CSF2RB: variants seen among roughly 807,000 people sequenced by gnomAD.
CSF2RB encodes colony stimulating factor 2 receptor subunit beta, also known as cytokine receptor common subunit beta.
Under a neutral mutation model 67.2 loss-of-function variants are expected in CSF2RB, and 22 were observed. The ratio of observed to expected loss-of-function variants is 0.33; its 90% CI spans 0.23 to 0.47. The LOEUF (loss-of-function observed/expected upper bound fraction) is 0.47, where lower values mean the gene tolerates loss of function less well. Among genes scored for constraint, CSF2RB ranks in the 20% least tolerant of loss-of-function variants. The pLI is 1.00. For missense variants in CSF2RB, 1,113 were observed against 1,174.5 expected (o/e 0.95, Z 0.76); for synonymous variants, 507 against 482.9 (o/e 1.05, Z -0.65).
intron 3 of CSF2RB, among the ~76,000 whole-genome samples, chr22:36,924,991 C>T (rs1940977345): frequency 6.6e-6 from 1 of 152,214 alleles, no homozygotes; most frequent in Non-Finnish European, 1.5e-5. Flanking sequence ...AGCTCCAGCC[C>T]TCCAGGCGTA....
Position 36,939,807 on chromosome 22 carries a change from A to G in CSF2RB, c.*1305A>G, listed in dbSNP as rs1420015544. The G allele has an allele frequency of 6.5e-6, 1 of 153,306 alleles. No homozygotes were observed. Among genetic ancestry groups the G allele is most frequent in the African/African-American group, 2.4e-5 (1 of 41,474 alleles). 9.5% of individuals were successfully genotyped at this position (153,306 alleles called of 1,614,324 possible). On this transcript the variant is annotated 3_prime_UTR_variant, in exon 14 of 14. Transcript: ENST00000403662. The stretch of plus-strand genomic sequence containing the variant: ...ATATGAGGTTTTATGGTGTATGAAT[A>G]TGAATGCTTCTGTAATGTCAAACAG...
At position 36,939,324 on chromosome 22, in the gene CSF2RB, G is replaced by C. The variant is rs1055726233; in HGVS notation, c.*822G>C. ...ATCAGGAGAGGAGTCCAGAGCCCAC[G>C]TCTACTGCGGAAAAGTCAGGGGAAA... On this transcript the variant is annotated 3_prime_UTR_variant, in exon 14 of 14. Transcript: ENST00000403662. 4.3e-6 allele frequency: 3 copies of C among 697,916 alleles called. No homozygotes were observed. Among genetic ancestry groups the C allele is most frequent in the Non-Finnish European group, 7.8e-6 (3 of 382,570 alleles). The allele number at this position is 697,916 out of a possible 1,614,324, so 43.2% of individuals were successfully genotyped here. A position where few individuals can be genotyped will look rare whatever the true frequency, so the allele number is the denominator to read the frequency against.
At chr22:36,935,079 C>G (rs916242119) in intron 10 of CSF2RB, among the ~76,000 whole-genome samples, 1 of 152,164 alleles carries the variant, frequency 6.6e-6, no homozygotes, top group Non-Finnish European at 1.5e-5. Context: ...GGTTCTTGCC[C>G]TCCCTGTAGC....
At chr22:36,929,379 G>A (rs1305540522) in intron 4 of CSF2RB, 23 bp from the exon 5 acceptor site, 5 of 1,614,118 alleles carry the variant, frequency 3.1e-6, no homozygotes, top group African/African-American at 1.3e-5. Context: ...GCCCTTAGGT[G>A]CCCTTCACTT....
chr22:36,918,939 G>C (rs1288408363), intron 1 of CSF2RB, among the ~76,000 whole-genome samples: 1 of 152,170 alleles, frequency 6.6e-6, no homozygotes, highest in Admixed American at 6.5e-5. Flanking sequence ...CAAGTTGCAG[G>C]CTGGAAGAAG....
In CSF2RB at chr22:36,938,554, C is replaced by T. The variant is rs562220112; in HGVS notation, c.*52C>T. Reference sequence around the variant, plus strand: ...GATGGAGAGGGCTTGCCTTCCCTCCCGCCTGACCTTCCTCAGTCATTTCTG... The same window carrying T: ...GATGGAGAGGGCTTGCCTTCCCTCCTGCCTGACCTTCCTCAGTCATTTCTG... On this transcript the variant is annotated 3_prime_UTR_variant, in exon 14 of 14. Coordinates refer to ENST00000403662, the MANE Select transcript of CSF2RB (RefSeq NM_000395.3). 182 of 1,546,508 alleles carry T rather than the reference C, an allele frequency of 1.2e-4. No individual in the cohort carries two copies. Among genetic ancestry groups the T allele is most frequent in the African/African-American group, 3.6e-4 (26 of 72,688 alleles).
chr22:36,915,332 GT>G (rs1940694028), intron 1 of CSF2RB, among the ~76,000 whole-genome samples: 1 of 151,960 alleles, frequency 6.6e-6, no homozygotes, highest in Admixed American at 6.6e-5. Context: ...TGATCCGCCT[GT>G]CTCAGCCTCC....
intron 1 of CSF2RB, among the ~76,000 whole-genome samples, chr22:36,917,256 T>C (rs558853399): frequency 6.6e-6 from 1 of 152,368 alleles, no homozygotes; most frequent in South Asian, 2.1e-4. Context: ...TCCTTCCATG[T>C]ATGGAGTACC....
intron 1 of CSF2RB, among the ~76,000 whole-genome samples, chr22:36,915,146 G>A (rs1940689560): frequency 6.6e-6 from 1 of 152,132 alleles, no homozygotes. Context: ...ATGCAGTGGT[G>A]CAATCTTGGC....
rs954902848 is a variant in CSF2RB, at chr22:36,936,628, G to A, written c.1544G>A (p.Gly515Asp). 6.2e-7 allele frequency: 1 copy of A among 1,613,446 alleles called. No individual in the cohort carries two copies. The highest frequency in any genetic ancestry group is 8.5e-7 in the Non-Finnish European group (1 of 1,179,932). ...AGTCCCCCACACCAGGGGCCGTGGG[G>A]CAGCCGCTTCCCTGAGCTGGAGGGG... is the stretch of plus-strand genomic sequence containing the variant. ...SGSPPHQGPWGSRFPELEGVF... is the reference protein window; with the variant it reads ...SGSPPHQGPWDSRFPELEGVF... The change falls in exon 13 of 14, where the codon GGC becomes GAC. Residue 515 changes from glycine to aspartate, a missense_variant. Around this residue, in one of 2 missense-constraint regions of CSF2RB, gnomAD observed 554 missense variants for 517.9 expected, o/e 1.07. Transcript: ENST00000403662.
intron 12 of CSF2RB, 101 bp from the exon 13 acceptor site, chr22:36,936,448 C>A: frequency 3.4e-6 from 3 of 887,174 alleles, no homozygotes; most frequent in Non-Finnish European, 5.6e-6. Context: ...CTTCTCTTGT[C>A]TGGGGGCTCC....
At chr22:36,930,261 G>C (rs558266599) in intron 6 of CSF2RB, 114 bp from the exon 7 acceptor site, 2 of 1,472,212 alleles carry the variant, frequency 1.4e-6, no homozygotes, top group Non-Finnish European at 1.9e-6. Context: ...TTCAGCCCTG[G>C]TCTTTTGGCC....
At chr22:36,933,665 C>G (rs1466025184) in intron 9 of CSF2RB, among the ~76,000 whole-genome samples, 167 bp from the exon 10 acceptor site, 2 of 152,142 alleles carry the variant, frequency 1.3e-5, no homozygotes, top group Non-Finnish European at 2.9e-5. Flanking sequence ...AAGTGCTGTC[C>G]GTGGGTGGGC....
chr22:36,938,586 C>T lies in CSF2RB; in HGVS notation c.*84C>T. ...CCTTCCTCAGTCATTTCTGCAAAGC[C>T]AAGGGGCAGCCTCCTGTCAAGGTAG... On this transcript the variant is annotated 3_prime_UTR_variant, in exon 14 of 14. Transcript: ENST00000403662. 1 of 1,428,102 alleles carries T rather than the reference C, an allele frequency of 7.0e-7. No individual in the cohort carries two copies. 88.5% of individuals were successfully genotyped at this position (1,428,102 alleles called of 1,614,324 possible).
At chr22:36,920,397 C>A (rs1186737388) in intron 1 of CSF2RB, among the ~76,000 whole-genome samples, 6 of 152,216 alleles carry the variant, frequency 3.9e-5, no homozygotes, top group Non-Finnish European at 7.3e-5. Context: ...CTATAAAATA[C>A]CCCAGCGAGC....
At chr22:36,926,402 A>G (rs1057468828) in intron 4 of CSF2RB, among the ~76,000 whole-genome samples, 6 of 152,232 alleles carry the variant, frequency 3.9e-5, no homozygotes, top group Non-Finnish European at 8.8e-5. Context: ...CCACTAAGCC[A>G]TGGGCTTCCA....
chr22:36,938,109 G>GA lies in CSF2RB; in HGVS notation c.2301_2302insA (p.Glu768ArgfsTer6). On this transcript the variant is annotated frameshift_variant, in exon 14 of 14. Coordinates refer to ENST00000403662, the MANE Select transcript of CSF2RB (RefSeq NM_000395.3). LOFTEE classifies it low-confidence loss of function (END_TRUNC). Reference sequence around the variant, plus strand: ...TGAAGTCAGGGTTTGAGGGCTATGTGGAGCTCCCTCCAATTGAGGGCCGGT... The same window carrying GA: ...TGAAGTCAGGGTTTGAGGGCTATGTGAGAGCTCCCTCCAATTGAGGGCCGGT... 1 of 1,614,064 alleles carries GA rather than the reference G, an allele frequency of 6.2e-7. No individual in the cohort carries two copies. Among genetic ancestry groups the GA allele is most frequent in the Non-Finnish European group, 8.5e-7 (1 of 1,179,990 alleles).
chr22:36,916,757 G>A, intron 1 of CSF2RB, among the ~76,000 whole-genome samples: 1 of 152,192 alleles, frequency 6.6e-6, no homozygotes, highest in East Asian at 1.9e-4. Context: ...TACTTGGGAT[G>A]CTGAAGTGGG....
rs1818140801 is a variant in CSF2RB at position 36,927,168 on chromosome 22, C to T, written c.391+991C>T. Among the ~76,000 whole-genome samples the T allele has an allele frequency of 3.9e-5, 6 of 152,228 alleles. No individual in the cohort carries two copies. The South Asian group carries it at 1.2e-3, about 32-fold the overall frequency. ...GACCATGGCTTCCTGCCCTTTTTTG[C>T]CACAACATCATAAAGCCACTGCCAG... On this transcript the variant is annotated intron_variant, in intron 4 of 13. Transcript: ENST00000403662.
Sources: gnomAD v4.1 joint callset for allele counts (sites outside exome capture counted in the v4.1 genomes callset) on GRCh38, gnomAD v4.1.1 for gene constraint, gnomAD v4.1.1 regional missense constraint, MANE v1.5 for transcripts, NCBI Gene and HGNC (gene_info 2026-07-23, HGNC 2026-07-21) for gene names.